Variants in TFB1M observed in about 807,000 individuals in gnomAD.
TFB1M encodes transcription factor B1, mitochondrial.
Under a neutral mutation model 31.1 loss-of-function variants are expected in TFB1M, and 27 were observed. That is an observed-to-expected ratio of 0.87 (90% CI 0.64 to 1.20). The LOEUF (loss-of-function observed/expected upper bound fraction) is 1.20. Ranked by LOEUF, TFB1M falls within the 50% of genes most tolerant of loss-of-function variation. The pLI is 0.00. For synonymous variants in TFB1M, 166 were observed against 151.8 expected, an observed-to-expected ratio of 1.09 and a Z score of -0.69; for missense variants, 394 against 418.7, an observed-to-expected ratio of 0.94 and a Z score of 0.51.
At chr6:155,300,307 T>C (rs1176558525) in intron 2 of TFB1M, among the ~76,000 whole-genome samples, 3 of 152,202 alleles carry the variant, frequency 2.0e-5, no homozygotes, top group East Asian at 1.9e-4. Context: ...GCAAAAATAA[T>C]TGCATGCCTC....
At chr6:155,245,591 G>A in the TFB1M span, 2 of 1,561,234 alleles carry the variant, frequency 1.3e-6, no homozygotes, top group South Asian at 2.2e-5. Flanking sequence ...ATTAAACCAT[G>A]TCTGATTTGA....
In TFB1M at chr6:155,301,708, T is replaced by A. The variant is rs549988508; in HGVS notation, c.286-3123A>T. Among the ~76,000 whole-genome samples, 9 of 152,294 alleles carry A rather than the reference T, an allele frequency of 5.9e-5. No homozygotes were observed. In the South Asian group the frequency reaches 1.5e-3, roughly 25 times the overall value. On this transcript the variant is annotated intron_variant, in intron 2 of 6. Coordinates refer to ENST00000367166, the MANE Select transcript of TFB1M (RefSeq NM_016020.4). ...GTATGCCAGTTTAGAGTAAAAGGCA[T>A]CATTACATAAGGCTATAAAAGAAGA...
intron 2 of TFB1M, among the ~76,000 whole-genome samples, chr6:155,309,721 A>T (rs905487275): frequency 6.6e-6 from 1 of 152,214 alleles, no homozygotes; most frequent in African/African-American, 2.4e-5. Flanking sequence ...GGCTACACGA[A>T]TAAGCCCGAA....
chr6:155,256,975 A>C lies in TFB1M; in HGVS notation c.*861T>G, dbSNP rs1405983729. On this transcript the variant is annotated 3_prime_UTR_variant, in exon 7 of 7. Coordinates refer to ENST00000367166, the MANE Select transcript of TFB1M (RefSeq NM_016020.4). ...CAGAGGAACTTTGCTCAAGGCGCAG[A>C]TCCGTCACCAGTCCCTTGACAGTCA... The C allele has an allele frequency of 6.2e-7, 1 of 1,614,152 alleles. No individual in the cohort carries two copies. The highest frequency in any genetic ancestry group is 1.7e-5 in the Admixed American group (1 of 60,016).
chr6:155,267,329 T>C (rs935781910), intron 5 of TFB1M, among the ~76,000 whole-genome samples: 5 of 152,232 alleles, frequency 3.3e-5, no homozygotes, highest in Admixed American at 1.3e-4. Flanking sequence ...ATCTCATAGC[T>C]GTTGAAGTAA....
At chr6:155,254,243 T>TA, downstream of TFB1M, 1 of 1,026,350 alleles carries the variant, frequency 9.7e-7, no homozygotes, top group Non-Finnish European at 1.4e-6. Context: ...ATCAAAATCT[T>TA]AAGAGTGATC....
chr6:155,303,873 T>C (rs1188571045), intron 2 of TFB1M, among the ~76,000 whole-genome samples: 2 of 152,122 alleles, frequency 1.3e-5, no homozygotes, highest in South Asian at 2.1e-4. Context: ...GATGAGAAAG[T>C]TGAAGCTAAA....
chr6:155,311,331 C>T lies in TFB1M; in HGVS notation c.142G>A (p.Val48Ile), dbSNP rs772923848. ...TTTGTCAGATTGCCAGCTTTCCTTA[C>T]AATCTTATCTAGAGGAAAAAGAGTT... is the stretch of plus-strand genomic sequence containing the variant. The part of the protein sequence containing the change: ...LLDLRLTDKI[V>I]RKAGNLTNAY... The change falls in exon 2 of 7, where the codon GTA becomes ATA. Residue 48 changes from valine (V) to isoleucine (I), a missense_variant. Transcript: ENST00000367166. 6.2e-7 allele frequency: 1 copy of T among 1,613,792 alleles called. No individual in the cohort carries two copies. Among genetic ancestry groups the T allele is most frequent in the East Asian group, 2.2e-5 (1 of 44,866 alleles).
chr6:155,309,415 A>G (rs113835293), intron 2 of TFB1M, among the ~76,000 whole-genome samples: 1 of 152,208 alleles, frequency 6.6e-6, no homozygotes, highest in African/African-American at 2.4e-5. Context: ...ACATATATAC[A>G]GTATGTCAGA....
intron 2 of TFB1M, among the ~76,000 whole-genome samples, chr6:155,303,815 T>C (rs931631431): frequency 2.0e-5 from 3 of 152,166 alleles, no homozygotes; most frequent in Non-Finnish European, 4.4e-5. Context: ...TCCATTTCTA[T>C]CCATCTTTGC....
At chr6:155,232,801 G>A in the TFB1M span, 1 of 152,134 alleles carries the variant, frequency 6.6e-6, no homozygotes, top group Non-Finnish European at 1.5e-5. Context: ...CTCTTTCCTA[G>A]TAGCTTTCTA....
the TFB1M span, chr6:155,232,946 CT>C: frequency 2.0e-5 from 3 of 152,164 alleles, no homozygotes; most frequent in African/African-American, 7.2e-5. Flanking sequence ...TTACGCAGCA[CT>C]TTTAAACCTT....
downstream of TFB1M, chr6:155,254,134 A>C: frequency 2.0e-6 from 3 of 1,478,026 alleles, no homozygotes; most frequent in Non-Finnish European, 2.8e-6. Context: ...ATTTATATTT[A>C]GTGCCCTCCT....
intron 2 of TFB1M, among the ~76,000 whole-genome samples, chr6:155,305,771 A>G (rs1777738249): frequency 8.0e-6 from 1 of 124,650 alleles, no homozygotes; most frequent in Non-Finnish European, 1.6e-5. Flanking sequence ...ATATTAAATT[A>G]TATATAAATA....
chr6:155,289,278 A>G (rs1169934251), intron 4 of TFB1M, among the ~76,000 whole-genome samples: 1 of 152,148 alleles, frequency 6.6e-6, no homozygotes, highest in South Asian at 2.1e-4. Context: ...CTGGACCCAG[A>G]AAGAAAAGAA....
chr6:155,298,397 A>C (rs1777275376), intron 3 of TFB1M, 80 bp downstream of exon 3: 2 of 769,914 alleles, frequency 2.6e-6, no homozygotes, highest in African/African-American at 3.5e-5. Context: ...AGACATTTGT[A>C]ATAAATGTAT....
Position 155,287,551 on chromosome 6 carries a change from A to AGTGTGTGTGTGTGTGTGT in TFB1M, c.547-2292_547-2275dup, listed in dbSNP as rs150032717. ...AAGACTACTCCTATCATTTACTCTG[A>AGTGTGTGTGTGTGTGTGT]GTGTGTGTGTGTGTGTGTGTGTGTA... On this transcript the variant is annotated intron_variant, in intron 4 of 6. Coordinates refer to ENST00000367166, the MANE Select transcript of TFB1M (RefSeq NM_016020.4). Among the ~76,000 whole-genome samples the AGTGTGTGTGTGTGTGTGT allele has an allele frequency of 8.9e-3, 1,318 of 147,614 alleles. 17 individuals are homozygous for AGTGTGTGTGTGTGTGTGT. The highest frequency in any genetic ancestry group is 0.027 in the African/African-American group (1,092 of 39,770).
At chr6:155,254,003 T>G, downstream of TFB1M, 1 of 1,614,114 alleles carries the variant, frequency 6.2e-7, no homozygotes, top group Non-Finnish European at 8.5e-7. Context: ...TGGGAACTGA[T>G]CCATACGAAG....
intron 2 of TFB1M, among the ~76,000 whole-genome samples, chr6:155,304,417 G>C (rs1393307547): frequency 6.6e-6 from 1 of 152,106 alleles, no homozygotes; most frequent in East Asian, 1.9e-4. Flanking sequence ...CTCCGACAAA[G>C]ATGGAGTCTA....
Sources: allele counts gnomAD v4.1 joint callset (sites outside exome capture counted in the v4.1 genomes callset), GRCh38; gene constraint gnomAD v4.1.1; transcripts MANE v1.5; gene names NCBI Gene and HGNC (gene_info 2026-07-23, HGNC 2026-07-21).